MYH8: variants seen among roughly 807,000 people sequenced by gnomAD.
The protein encoded by MYH8 is myosin-8.
A neutral mutation model predicts 233.2 loss-of-function variants in MYH8; 168 were observed. The observed-to-expected ratio is 0.72, with a 90% CI of 0.64 to 0.82. The LOEUF is 0.82. MYH8 is among the 40% of genes least tolerant of loss of function. MYH8 has a pLI of 0.00. For synonymous variants in MYH8, 785 were observed against 850.6 expected (o/e 0.92, Z 1.34); for missense variants, 1,995 against 2,327.8 (o/e 0.86, Z 2.94).
chr17:10,395,478 A>T, intron 33 of MYH8, 37 bp from the exon 34 acceptor site: 1 of 1,606,444 alleles, frequency 6.2e-7, no homozygotes, highest in Non-Finnish European at 8.5e-7. Flanking sequence ...ATGGAGAAGA[A>T]CCTGAGTATT....
chr17:10,394,326 GT>G lies in MYH8; in HGVS notation c.5088del (p.Glu1696AspfsTer38), dbSNP rs2072059417. 6.2e-7 allele frequency: 1 copy of G among 1,613,986 alleles called. No homozygotes were observed. The highest frequency in any genetic ancestry group is 1.3e-5 in the African/African-American group (1 of 74,902). The stretch of plus-strand genomic sequence containing the variant: ...GCGATTTTCCTGCTTCTCTCTGTCT[GT>G]TCCAGAGTGGCCCACAGCTCCTCGA... ...AEIEELWATL[E>X]QTERSRKIAE... On this transcript the variant is annotated frameshift_variant, in exon 35 of 40. Coordinates refer to ENST00000403437, the MANE Select transcript of MYH8 (RefSeq NM_002472.3). LOFTEE classifies it high-confidence loss of function.
Position 10,413,264 on chromosome 17 carries a change from C to T in MYH8, c.1148-536G>A, listed in dbSNP as rs542695908. ...AAATAAATGCCACATGTCAGGTACA[C>T]CAGTAACTGCTGAAACATTTAGAGG... On this transcript the variant is annotated intron_variant, in intron 12 of 39. Transcript: ENST00000403437. Among the ~76,000 whole-genome samples the T allele has an allele frequency of 3.3e-5, 5 of 152,236 alleles. No homozygotes were observed. The East Asian group carries it at 9.6e-4, about 29-fold the overall frequency.
Position 10,406,129 on chromosome 17 carries a change from C to T in MYH8, c.2344G>A (p.Glu782Lys), listed in dbSNP as rs781058661. ...CTTGTTATAATTTGGGCTAATTTTT[C>T]ATCTCTCATTTCTTCCAGAAGACCC... ...LLGLLEEMRD[E>K]KLAQIITRTQ... Residue 782 changes from glutamate to lysine, a missense_variant, in exon 21 of 40, where the codon GAA becomes AAA. Around this residue, in one of 3 missense-constraint regions of MYH8, gnomAD observed 1,498 missense variants for 1,680.9 expected, o/e 0.89. Coordinates refer to ENST00000403437, the MANE Select transcript of MYH8 (RefSeq NM_002472.3). The T allele has an allele frequency of 1.9e-6, 3 of 1,614,074 alleles. No individual in the cohort carries two copies. Among genetic ancestry groups the T allele is most frequent in the Admixed American group, 1.7e-5 (1 of 60,006 alleles).
chr17:10,400,417 A>G lies in MYH8; in HGVS notation c.3708T>C (p.Ser1236=), dbSNP rs749973045. 7 of 1,613,782 alleles carry G rather than the reference A, an allele frequency of 4.3e-6. No individual in the cohort carries two copies. In the South Asian group the frequency reaches 6.6e-5, roughly 15 times the overall value. The change falls in exon 27 of 40, where the codon AGT becomes AGC. Residue 1236 remains serine (S), a synonymous_variant. Coordinates refer to ENST00000403437, the MANE Select transcript of MYH8 (RefSeq NM_002472.3). This position sits in a 1 kb window ranked among gnomAD's most constrained non-coding sequence, Gnocchi z 4.0. ...ELKMETDDLS[S]NAEAISKAKG... ...TGGCTTTGGAAATGGCCTCTGCGTT[A>G]CTGCTGAGGTCATCAGTCTCCATCT...
At position 10,415,645 on chromosome 17, in the gene MYH8, A is replaced by G. The variant is rs2072283690; in HGVS notation, c.539+36T>C. On this transcript the variant is annotated intron_variant, in intron 6 of 39. Transcript: ENST00000403437. The surrounding 1 kb of genome is among the most constrained non-coding windows in gnomAD (Gnocchi z 4.1). ...GCCTGCATTGTCAACATCTAAGACA[A>G]TCCTTGCAAATCAGAGAAGAAAAAA... 2 of 1,613,684 alleles carry G rather than the reference A, an allele frequency of 1.2e-6. No homozygotes were observed. The highest frequency in any genetic ancestry group is 2.7e-5 in the African/African-American group (2 of 74,914).
At chr17:10,406,206 T>C in intron 20 of MYH8, 29 bp from the exon 21 acceptor site, 12 of 1,614,078 alleles carry the variant, frequency 7.4e-6, no homozygotes, top group Non-Finnish European at 1.0e-5. Flanking sequence ...ACAAATCATC[T>C]CCATACTGCA....
intron 17 of MYH8, among the ~76,000 whole-genome samples, chr17:10,408,109 T>C (rs1374952530): frequency 6.6e-6 from 1 of 151,610 alleles, no homozygotes; most frequent in Non-Finnish European, 1.5e-5. Flanking sequence ...CCCGGCTAAT[T>C]TTTATATTCT....
At chr17:10,404,664 CT>C (rs1723140645) in intron 21 of MYH8, 79 bp from the exon 22 acceptor site, 1 of 1,558,806 alleles carries the variant, frequency 6.4e-7, no homozygotes, top group Non-Finnish European at 8.8e-7. Context: ...ACAAATTTCC[CT>C]TTTAATGAAT....
At chr17:10,411,145 G>A (rs1012841958) in intron 14 of MYH8, among the ~76,000 whole-genome samples, 198 bp from the exon 15 acceptor site, 16 of 152,186 alleles carry the variant, frequency 1.1e-4, no homozygotes, top group Admixed American at 3.3e-4. Flanking sequence ...GGGAGGCCGC[G>A]GTGGGTGGAT....
intron 21 of MYH8, among the ~76,000 whole-genome samples, chr17:10,405,731 T>C (rs1360479490): frequency 6.6e-6 from 1 of 152,188 alleles, no homozygotes; most frequent in African/African-American, 2.4e-5. Flanking sequence ...AAAGGCTATG[T>C]GCTTGGAAAT....
chr17:10,406,592 G>T, intron 19 of MYH8, 98 bp downstream of exon 19: 2 of 1,348,920 alleles, frequency 1.5e-6, no homozygotes, highest in South Asian at 1.2e-5. Flanking sequence ...CTAACCTGTT[G>T]TATTATCCTA....
In MYH8 at chr17:10,396,584, T is replaced by C. The variant is rs895160016; in HGVS notation, c.4497A>G (p.Glu1499=). 3.7e-6 allele frequency: 6 copies of C among 1,614,064 alleles called. No homozygotes were observed. In the African/African-American group the frequency reaches 6.7e-5, roughly 18 times the overall value. The change falls in exon 32 of 40, where the codon GAA becomes GAG. Residue 1499 remains glutamate (E), a synonymous_variant. Coordinates refer to ENST00000403437, the MANE Select transcript of MYH8 (RefSeq NM_002472.3). This position sits in a 1 kb window ranked among gnomAD's most constrained non-coding sequence, Gnocchi z 4.2. ...AGTTCTTATTTTCTCTTCTTAGCGT[T>C]TCGAGTTGATCCAGGGATTCCTCAT... The part of the protein sequence containing the change: ...NVYEESLDQL[E]TLRRENKNLQ...
At chr17:10,418,844 T>C in intron 4 of MYH8, 43 bp from the exon 5 acceptor site, 2 of 1,613,884 alleles carry the variant, frequency 1.2e-6, no homozygotes, top group Non-Finnish European at 1.7e-6. Flanking sequence ...TCGTTTTTAC[T>C]CAGAGAGAGA....
intron 34 of MYH8, 62 bp from the exon 35 acceptor site, chr17:10,394,514 A>T: frequency 6.4e-7 from 1 of 1,567,698 alleles, no homozygotes; most frequent in Non-Finnish European, 8.7e-7. Flanking sequence ...ATCCCAGGAG[A>T]TGAACTGGGA....
rs1185061729 is a variant in MYH8, at chr17:10,417,332, T to C, written c.511+1313A>G. On this transcript the variant is annotated intron_variant, in intron 5 of 39. Coordinates refer to ENST00000403437, the MANE Select transcript of MYH8 (RefSeq NM_002472.3). This position sits in a 1 kb window ranked among gnomAD's most constrained non-coding sequence, Gnocchi z 4.1. The stretch of plus-strand genomic sequence containing the variant: ...TCTGGATGTTATTTAGATGTAGATA[T>C]AGACATAGACTTTAGAAAACTTTAG... Among the ~76,000 whole-genome samples, 1 of 152,232 alleles carries C rather than the reference T, an allele frequency of 6.6e-6. No individual in the cohort carries two copies. Among genetic ancestry groups the C allele is most frequent in the Non-Finnish European group, 1.5e-5 (1 of 68,042 alleles).
Position 10,414,494 on chromosome 17 carries a change from G to A in MYH8, c.806-10C>T, listed in dbSNP as rs2072272430. On this transcript the variant is annotated splice_polypyrimidine_tract_variant and intron_variant, in intron 9 of 39. Coordinates refer to ENST00000403437, the MANE Select transcript of MYH8 (RefSeq NM_002472.3). ...GACTTTTCTAAAAGATCTGGAGAGG[G>A]AAATAGATATCGAGTTTGAAAAAAG... 1 of 1,558,736 alleles carries A rather than the reference G, an allele frequency of 6.4e-7. No homozygotes were observed. Among genetic ancestry groups the A allele is most frequent in the East Asian group, 2.2e-5 (1 of 44,614 alleles).
At chr17:10,393,253 C>T (rs770375928) in intron 35 of MYH8, 43 bp from the exon 36 acceptor site, 4 of 1,613,458 alleles carry the variant, frequency 2.5e-6, no homozygotes, top group African/African-American at 1.3e-5. Flanking sequence ...TTGCAGTTTG[C>T]CCTCTTGGGA....
chr17:10,413,389 C>T (rs1020864162), intron 12 of MYH8, among the ~76,000 whole-genome samples: 14 of 152,124 alleles, frequency 9.2e-5, no homozygotes, highest in East Asian at 1.9e-4. Flanking sequence ...TCTTTCCATA[C>T]GTAGAATATA....
intron 28 of MYH8, among the ~76,000 whole-genome samples, chr17:10,399,188 C>T (rs896309810): frequency 1.3e-5 from 2 of 151,758 alleles, no homozygotes; most frequent in African/African-American, 2.4e-5. Context: ...ATCATGTCAG[C>T]CCTCAGTTTT....
Sources: gnomAD v4.1 joint callset for allele counts (sites outside exome capture counted in the v4.1 genomes callset) on GRCh38, gnomAD v4.1.1 for gene constraint, gnomAD v4.1.1 regional missense constraint, Gnocchi (gnomAD v3.1) non-coding constraint, MANE v1.5 for transcripts, NCBI Gene and HGNC (gene_info 2026-07-23, HGNC 2026-07-21) for gene names.